DPP6: variants seen among roughly 807,000 people sequenced by gnomAD.
DPP6 encodes the protein dipeptidyl peptidase like 6.
Under a neutral mutation model 122.6 loss-of-function variants are expected in DPP6, and 69 were observed. The observed-to-expected ratio is 0.56, with a 90% CI of 0.46 to 0.69. The LOEUF (loss-of-function observed/expected upper bound fraction) is 0.69. Among genes scored for constraint, DPP6 ranks in the 30% least tolerant of loss-of-function variants. The pLI, the probability that DPP6 is intolerant of heterozygous loss-of-function variation, is 0.00. For missense variants in DPP6, 928 were observed against 1,116.9 expected, an observed-to-expected ratio of 0.83 and a Z score of 2.41; for synonymous variants, 418 against 433.1, an observed-to-expected ratio of 0.97 and a Z score of 0.43.
chr7:154,694,182 C>T, intron 7 of DPP6, among the ~76,000 whole-genome samples: 1 of 152,160 alleles, frequency 6.6e-6, no homozygotes, highest in Admixed American at 6.5e-5. Context: ...GGGCACTAAT[C>T]TCATTCGTGA....
At chr7:153,966,553 GCTTTTTTTT>G (rs1563057749) in intron 1 of DPP6, among the ~76,000 whole-genome samples, 1 of 57,604 alleles carries the variant, frequency 1.7e-5, no homozygotes, top group African/African-American at 5.5e-5. Context: ...TCCTGTGTTG[GCTTTTTTTT>G]TTTTTTTTTT....
chr7:154,718,268 T>G lies in DPP6; in HGVS notation c.763-9499T>G, dbSNP rs75261686. Reference sequence around the variant, plus strand: ...TTTTTAGTTTACTGTAATCGCCTTTTTCTATTTTTGTGTTTGTGCCTGTGC... The same window carrying G: ...TTTTTAGTTTACTGTAATCGCCTTTGTCTATTTTTGTGTTTGTGCCTGTGC... On this transcript the variant is annotated intron_variant, in intron 7 of 25. Coordinates refer to ENST00000377770, the MANE Select transcript of DPP6 (RefSeq NM_130797.4). Among the ~76,000 whole-genome samples the G allele has an allele frequency of 7.7e-3, 1,148 of 148,454 alleles. 13 individuals carry two copies. The highest frequency in any genetic ancestry group is 0.027 in the African/African-American group (1,093 of 40,902).
chr7:154,289,996 G>A (rs1805102705), intron 1 of DPP6, among the ~76,000 whole-genome samples: 1 of 152,186 alleles, frequency 6.6e-6, no homozygotes, highest in Non-Finnish European at 1.5e-5. Flanking sequence ...GGGCGAGGAT[G>A]TTGAAAAATA....
intron 10 of DPP6, among the ~76,000 whole-genome samples, chr7:154,779,022 T>TCATCAC (rs1563201040): frequency 3.6e-5 from 3 of 82,956 alleles, no homozygotes; most frequent in African/African-American, 5.2e-5. Flanking sequence ...CACCCCACCA[T>TCATCAC]CACCTCCACC....
Position 154,618,401 on chromosome 7 carries a change from C to A in DPP6, c.628-19420C>A, listed in dbSNP as rs1834405476. Reference sequence around the variant, plus strand: ...TAACTGCAGCGAGCTGGATTTCAGACCCTTCCTGTGCACACACACTGTTGC... The same window carrying A: ...TAACTGCAGCGAGCTGGATTTCAGAACCTTCCTGTGCACACACACTGTTGC... On this transcript the variant is annotated intron_variant, in intron 5 of 25. Transcript: ENST00000377770. This position sits in a 1 kb window ranked among gnomAD's most constrained non-coding sequence, Gnocchi z 4.1. Among the ~76,000 whole-genome samples, 1 of 152,190 alleles carries A rather than the reference C, an allele frequency of 6.6e-6. No homozygotes were observed. Among genetic ancestry groups the A allele is most frequent in the Non-Finnish European group, 1.5e-5 (1 of 68,028 alleles).
intron 1 of DPP6, among the ~76,000 whole-genome samples, chr7:154,138,353 G>T (rs1389160245): frequency 6.6e-6 from 1 of 152,212 alleles, no homozygotes; most frequent in Non-Finnish European, 1.5e-5. Context: ...TTATGGCATT[G>T]AAGATGCTTT....
chr7:154,098,165 C>T (rs1805468729), intron 1 of DPP6, among the ~76,000 whole-genome samples: 2 of 152,216 alleles, frequency 1.3e-5, no homozygotes, highest in African/African-American at 4.8e-5. Flanking sequence ...GATGGTTACC[C>T]TCATGCTTTC....
At chr7:154,320,012 A>T (rs1373591015) in intron 1 of DPP6, among the ~76,000 whole-genome samples, 1 of 128,110 alleles carries the variant, frequency 7.8e-6, no homozygotes, top group Non-Finnish European at 1.6e-5. Context: ...ATATATATAT[A>T]TATATATATA....
At chr7:153,811,327 C>T in the DPP6 span, among the ~76,000 whole-genome samples, 1 of 152,126 alleles carries the variant, frequency 6.6e-6, no homozygotes, top group Non-Finnish European at 1.5e-5. Flanking sequence ...ATACAAGTTG[C>T]TCTGGAATAT....
intron 1 of DPP6, among the ~76,000 whole-genome samples, chr7:154,230,653 G>C (rs773167008): frequency 6.6e-6 from 1 of 152,216 alleles, no homozygotes; most frequent in Non-Finnish European, 1.5e-5. Flanking sequence ...CCCAAAAGCT[G>C]TCTGAGCCTC....
chr7:154,330,294 T>G (rs1054061559), intron 1 of DPP6, among the ~76,000 whole-genome samples: 3 of 152,188 alleles, frequency 2.0e-5, no homozygotes, highest in Non-Finnish European at 4.4e-5. Flanking sequence ...GGCAGAGGCT[T>G]TCATGTCAGT....
At chr7:153,769,082 C>T in the DPP6 span, among the ~76,000 whole-genome samples, 259 of 152,218 alleles carry the variant, frequency 1.7e-3, 1 homozygote, top group African/African-American at 6.1e-3. Context: ...CTCTGATTTA[C>T]TTGCTGAAAG....
At chr7:153,899,014 T>G (rs548669097) in intron 1 of DPP6, among the ~76,000 whole-genome samples, 12 of 152,226 alleles carry the variant, frequency 7.9e-5, no homozygotes, top group Non-Finnish European at 1.5e-4. Flanking sequence ...GGCATTCGGC[T>G]TCCATTAGTG....
chr7:154,020,167 C>T (rs397834683), intron 1 of DPP6, among the ~76,000 whole-genome samples: 2 of 152,120 alleles, frequency 1.3e-5, no homozygotes, highest in African/African-American at 4.8e-5. Context: ...GTCAAGATGT[C>T]GTTTTGGGTT....
At chr7:154,349,459 A>G (rs1212937703) in intron 1 of DPP6, among the ~76,000 whole-genome samples, 2 of 152,256 alleles carry the variant, frequency 1.3e-5, no homozygotes, top group African/African-American at 4.8e-5. Context: ...TACAGGCATG[A>G]GCCAACACAC....
intron 1 of DPP6, among the ~76,000 whole-genome samples, chr7:154,207,517 G>A (rs77438054): frequency 0.044 from 6,638 of 152,176 alleles, 490 homozygotes; most frequent in African/African-American, 0.15. Flanking sequence ...TATCATTCAC[G>A]GACACCTCTG....
At chr7:153,952,844 C>T (rs1802284095) in intron 1 of DPP6, among the ~76,000 whole-genome samples, 2 of 152,198 alleles carry the variant, frequency 1.3e-5, no homozygotes, top group Admixed American at 6.5e-5. Flanking sequence ...GGTATACCCA[C>T]AATCTTTCAA....
At chr7:153,841,137 T>C in the DPP6 span, among the ~76,000 whole-genome samples, 1 of 152,212 alleles carries the variant, frequency 6.6e-6, no homozygotes, top group Non-Finnish European at 1.5e-5. Flanking sequence ...ATACCACTCG[T>C]TTCACCTTAA....
chr7:154,023,828 C>T (rs1185254721), intron 1 of DPP6, among the ~76,000 whole-genome samples: 8 of 152,042 alleles, frequency 5.3e-5, no homozygotes, highest in African/African-American at 9.7e-5. Context: ...AAGACCTACA[C>T]GCCTCCAAAA....
Sources: allele counts gnomAD v4.1 joint callset (sites outside exome capture counted in the v4.1 genomes callset), GRCh38; gene constraint gnomAD v4.1.1; non-coding constraint Gnocchi (gnomAD v3.1); transcripts MANE v1.5; gene names NCBI Gene and HGNC (gene_info 2026-07-23, HGNC 2026-07-21).